Variants in CRTAC1 observed in about 807,000 individuals in gnomAD.
CRTAC1 encodes the protein cartilage acidic protein 1, also known as acidic secreted protein in cartilage.
In CRTAC1, 37 loss-of-function variants were observed where a neutral mutation model predicts 67.8. The observed-to-expected ratio is 0.55, with a 90% CI of 0.42 to 0.72. The LOEUF (loss-of-function observed/expected upper bound fraction) is 0.72. Ranked by LOEUF, CRTAC1 falls within the 30% of genes least tolerant of loss-of-function variation. The probability of loss-of-function intolerance (pLI) is 0.00; values close to 1 mark genes in which losing one functional copy is unlikely to be tolerated. For synonymous variants in CRTAC1, 348 were observed against 371.0 expected, an observed-to-expected ratio of 0.94 and a Z score of 0.71; for missense variants, 780 against 931.6, an observed-to-expected ratio of 0.84 and a Z score of 2.12.
chr10:97,892,412 A>T (rs1215239540), intron 11 of CRTAC1, among the ~76,000 whole-genome samples: 1 of 152,186 alleles, frequency 6.6e-6, no homozygotes, highest in East Asian at 1.9e-4. Context: ...ATAAGCAACC[A>T]CCTACGATAC....
In CRTAC1 at chr10:98,009,751, T is replaced by C. The variant is rs1842871543; in HGVS notation, c.224+1387A>G. On this transcript the variant is annotated intron_variant, in intron 2 of 14. Transcript: ENST00000370597. ...TCCCAGAATGAGGTCGACAGGCCCCTGTAGTGTTTTTATTGATTGACTGAT... is the reference window on the plus strand; with the variant it reads ...TCCCAGAATGAGGTCGACAGGCCCCCGTAGTGTTTTTATTGATTGACTGAT... Among the ~76,000 whole-genome samples, 2 of 152,204 alleles carry C rather than the reference T, an allele frequency of 1.3e-5. 1 individual carries two copies. Among genetic ancestry groups the C allele is most frequent in the Non-Finnish European group, 2.9e-5 (2 of 68,036 alleles).
At chr10:98,002,354 T>C (rs1842706619) in intron 2 of CRTAC1, among the ~76,000 whole-genome samples, 1 of 152,220 alleles carries the variant, frequency 6.6e-6, no homozygotes, top group Non-Finnish European at 1.5e-5. Context: ...AATCCTTTTT[T>C]AAAAATAAAT....
chr10:97,935,778 T>C (rs2051076918), intron 3 of CRTAC1, among the ~76,000 whole-genome samples: 1 of 152,130 alleles, frequency 6.6e-6, no homozygotes, highest in Admixed American at 6.5e-5. Flanking sequence ...AGGCTGATTC[T>C]AGTGGCATCT....
chr10:97,954,734 C>T (rs2051414388), intron 2 of CRTAC1, among the ~76,000 whole-genome samples: 1 of 152,160 alleles, frequency 6.6e-6, no homozygotes, highest in Non-Finnish European at 1.5e-5. Flanking sequence ...AGAAACTTAT[C>T]CTGTCACAGT....
At chr10:97,943,661 A>G (rs2051214015) in intron 2 of CRTAC1, among the ~76,000 whole-genome samples, 1 of 152,280 alleles carries the variant, frequency 6.6e-6, no homozygotes, top group Non-Finnish European at 1.5e-5. Context: ...AGACAAACTT[A>G]TCCCTTAGTC....
intron 5 of CRTAC1, among the ~76,000 whole-genome samples, chr10:97,912,783 C>G (rs989251826): frequency 2.6e-5 from 4 of 152,168 alleles, no homozygotes; most frequent in Non-Finnish European, 4.4e-5. Context: ...GAAGCATGCT[C>G]TCCAGGCCTC....
chr10:97,897,538 C>A (rs570708687), intron 8 of CRTAC1, among the ~76,000 whole-genome samples: 1 of 152,334 alleles, frequency 6.6e-6, no homozygotes, highest in Admixed American at 6.5e-5. Flanking sequence ...ATCTTTGCTT[C>A]TCTTGCAGTA....
intron 2 of CRTAC1, among the ~76,000 whole-genome samples, chr10:97,970,403 T>C (rs2051688565): frequency 6.6e-6 from 1 of 152,202 alleles, no homozygotes; most frequent in Non-Finnish European, 1.5e-5. Flanking sequence ...CCTAACGGCT[T>C]TCTTCTCACT....
intron 11 of CRTAC1, among the ~76,000 whole-genome samples, chr10:97,892,145 T>C (rs1218414068): frequency 6.6e-6 from 1 of 152,176 alleles, no homozygotes; most frequent in African/African-American, 2.4e-5. Flanking sequence ...TTGAGCCTCC[T>C]TCTCCCCACC....
intron 2 of CRTAC1, among the ~76,000 whole-genome samples, chr10:97,981,237 A>G (rs2051886535): frequency 1.3e-5 from 2 of 152,256 alleles, no homozygotes; most frequent in South Asian, 4.1e-4. Flanking sequence ...CAGATTTTAC[A>G]AAAATTAGAA....
chr10:97,914,222 G>C (rs1564891584), intron 5 of CRTAC1, among the ~76,000 whole-genome samples: 3 of 152,136 alleles, frequency 2.0e-5, no homozygotes, highest in Admixed American at 2.0e-4. Flanking sequence ...CTGGAGGTTT[G>C]GGGGGACACA....
chr10:97,929,142 T>G (rs1220793833), intron 3 of CRTAC1, among the ~76,000 whole-genome samples: 1 of 151,648 alleles, frequency 6.6e-6, no homozygotes, highest in Non-Finnish European at 1.5e-5. Context: ...CTGAGCTTAC[T>G]GGGGGTGAGC....
At chr10:97,925,231 A>G (rs1323179899) in intron 3 of CRTAC1, among the ~76,000 whole-genome samples, 3 of 152,230 alleles carry the variant, frequency 2.0e-5, no homozygotes, top group Non-Finnish European at 4.4e-5. Context: ...TGATTGTGCC[A>G]CTGCACTCCA....
At chr10:97,902,846 CTG>C (rs1342040301) in intron 7 of CRTAC1, among the ~76,000 whole-genome samples, 2 of 151,540 alleles carry the variant, frequency 1.3e-5, no homozygotes, top group African/African-American at 4.9e-5. Context: ...GGGAAAGAGG[CTG>C]TCTCCATCAG....
chr10:97,985,759 G>A (rs2051970888), intron 2 of CRTAC1, among the ~76,000 whole-genome samples: 1 of 152,120 alleles, frequency 6.6e-6, no homozygotes, highest in Non-Finnish European at 1.5e-5. Flanking sequence ...GCACACAGAG[G>A]GAAAACCACG....
At chr10:97,979,651 G>A (rs2051860555) in intron 2 of CRTAC1, among the ~76,000 whole-genome samples, 1 of 152,142 alleles carries the variant, frequency 6.6e-6, no homozygotes, top group African/African-American at 2.4e-5. Flanking sequence ...AATCAGCTGA[G>A]GCAGCAGAGC....
chr10:97,945,026 A>C (rs2051242540), intron 2 of CRTAC1, among the ~76,000 whole-genome samples: 1 of 152,260 alleles, frequency 6.6e-6, no homozygotes, highest in African/African-American at 2.4e-5. Context: ...AATAGTGAAA[A>C]ATAATAAATT....
At chr10:98,018,506 A>T (rs906240580) in intron 1 of CRTAC1, among the ~76,000 whole-genome samples, 1 of 152,126 alleles carries the variant, frequency 6.6e-6, no homozygotes, top group Non-Finnish European at 1.5e-5. Context: ...TTAGACATTA[A>T]TTGTGGGTTC....
At chr10:97,993,741 T>C (rs1842503090) in intron 2 of CRTAC1, among the ~76,000 whole-genome samples, 1 of 152,248 alleles carries the variant, frequency 6.6e-6, no homozygotes, top group Non-Finnish European at 1.5e-5. Flanking sequence ...CACTATGTGA[T>C]AGGCACTGTA....
Sources: allele counts gnomAD v4.1 joint callset (sites outside exome capture counted in the v4.1 genomes callset), GRCh38; gene constraint gnomAD v4.1.1; transcripts MANE v1.5; gene names NCBI Gene and HGNC (gene_info 2026-07-23, HGNC 2026-07-21).